The following L3MBTL2 variants were observed in gnomAD, a reference collection of about 807,000 sequenced individuals.
L3MBTL2 encodes the protein lethal(3)malignant brain tumor-like protein 2.
In L3MBTL2, 49 loss-of-function variants were observed where a neutral mutation model predicts 86.4. The observed-to-expected ratio is 0.57, with a 90% CI of 0.45 to 0.72. L3MBTL2 has a LOEUF of 0.72. Ranked by LOEUF, L3MBTL2 falls within the 30% of genes least tolerant of loss-of-function variation. The pLI is 0.00. For synonymous variants in L3MBTL2, 336 were observed against 350.6 expected, an observed-to-expected ratio of 0.96 and a Z score of 0.47; for missense variants, 755 against 923.7, an observed-to-expected ratio of 0.82 and a Z score of 2.37.
Position 41,205,407 on chromosome 22 carries a change from CG to C in L3MBTL2, c.24+22del, listed in dbSNP as rs778894641. The C allele has an allele frequency of 2.5e-6, 4 of 1,614,004 alleles. No homozygotes were observed. The East Asian group carries it at 8.9e-5, about 36-fold the overall frequency. ...TTGAGGTGAGAAGGCGAGGACTTAG[CG>C]TGACTGGGAAAGGGAACTCCGAGAG... On this transcript the variant is annotated intron_variant, in intron 1 of 16. Transcript: ENST00000216237.
rs377610001 is a variant in L3MBTL2 at position 41,230,174 on chromosome 22, G to C, written c.2041G>C (p.Val681Leu). 1 of 1,514,370 alleles carries C rather than the reference G, an allele frequency of 6.6e-7. No individual in the cohort carries two copies. Among genetic ancestry groups the C allele is most frequent in the Admixed American group, 1.8e-5 (1 of 55,816 alleles). 93.8% of individuals were successfully genotyped at this position (1,514,370 alleles called of 1,614,324 possible). A position where few individuals can be genotyped will look rare whatever the true frequency, so the allele number is the denominator to read the frequency against. ...GCGTGTGAAGGAAGAGCATCTAGAC[G>C]TGGCCTCGCCCGACAAGGCTTCAAG... is the stretch of plus-strand genomic sequence containing the variant. ...AVRVKEEHLD[V>L]ASPDKASSPE... is the part of the protein sequence containing the mutation. Residue 681 changes from valine (V) to leucine (L), a missense_variant, in exon 17 of 17, where the codon GTG (valine) becomes CTG (leucine). Coordinates refer to ENST00000216237, the MANE Select transcript of L3MBTL2 (RefSeq NM_031488.5).
intron 3 of L3MBTL2, among the ~76,000 whole-genome samples, chr22:41,215,645 T>G (rs745551372): frequency 2.6e-5 from 4 of 152,070 alleles, no homozygotes; most frequent in Non-Finnish European, 4.4e-5. Context: ...TTCGCCTATG[T>G]GGACCCTCTC....
intron 5 of L3MBTL2, 106 bp downstream of exon 5, chr22:41,217,308 G>A (rs760897963): frequency 9.7e-5 from 76 of 786,278 alleles, no homozygotes; most frequent in Middle Eastern, 6.5e-4. Context: ...ACAGTGGGGA[G>A]GTCTGGGCAG....
chr22:41,226,516 C>T (rs2032193908), intron 12 of L3MBTL2, 146 bp from the exon 13 acceptor site: 1 of 685,242 alleles, frequency 1.5e-6, no homozygotes, highest in Non-Finnish European at 2.6e-6. Context: ...CAGGTACTAC[C>T]CTGAGGGGAT....
Position 41,230,192 on chromosome 22 carries a change from G to C in L3MBTL2, c.2059G>C (p.Ala687Pro), listed in dbSNP as rs1350577152. ...TCTAGACGTGGCCTCGCCCGACAAG[G>C]CTTCAAGTCCAGAGCTGCCTGTCTC... ...EHLDVASPDK[A>P]SSPELPVSVE... Residue 687 changes from alanine to proline, a missense_variant, in exon 17 of 17, where the codon GCT becomes CCT. Around this residue, in one of 3 missense-constraint regions of L3MBTL2, gnomAD observed 634 missense variants for 748.9 expected, o/e 0.85. Coordinates refer to ENST00000216237, the MANE Select transcript of L3MBTL2 (RefSeq NM_031488.5). 1.9e-6 allele frequency: 3 copies of C among 1,611,068 alleles called. No homozygotes were observed. The highest frequency in any genetic ancestry group is 1.7e-4 in the Middle Eastern group (1 of 6,050).
At position 41,230,324 on chromosome 22, in the gene L3MBTL2, C is replaced by A; in HGVS notation, c.*73C>A. 8.9e-7 allele frequency: 1 copy of A among 1,118,608 alleles called. No homozygotes were observed. The highest frequency in any genetic ancestry group is 1.4e-6 in the Non-Finnish European group (1 of 737,628). The allele number at this position is 1,118,608 out of a possible 1,614,324, so 69.3% of individuals were successfully genotyped here. Reference sequence around the variant, plus strand: ...TTCTCTACCACCACCACCATGCCTCCACCTGACTTTGGCTTGGAGACTGAT... The same window carrying A: ...TTCTCTACCACCACCACCATGCCTCAACCTGACTTTGGCTTGGAGACTGAT... On this transcript the variant is annotated 3_prime_UTR_variant, in exon 17 of 17. Transcript: ENST00000216237.
chr22:41,219,255 G>A, intron 5 of L3MBTL2, 164 bp from the exon 6 acceptor site: 1 of 579,054 alleles, frequency 1.7e-6, no homozygotes, highest in Non-Finnish European at 3.2e-6. Flanking sequence ...GCTCTTCAAG[G>A]ACAGGAGACC....
rs768002539 is a variant in L3MBTL2 at position 41,225,768 on chromosome 22, G to T, written c.1357-26G>T. On this transcript the variant is annotated intron_variant, in intron 11 of 16. Transcript: ENST00000216237. This position sits in a 1 kb window ranked among gnomAD's most constrained non-coding sequence, Gnocchi z 4.1. Reference sequence around the variant, plus strand: ...TGGGGTGCAGTTCATGATATGATCTGTCTGCCTGCTCCCCCCACCCCCCAG... The same window carrying T: ...TGGGGTGCAGTTCATGATATGATCTTTCTGCCTGCTCCCCCCACCCCCCAG... The T allele has an allele frequency of 1.3e-6, 2 of 1,598,372 alleles. No individual in the cohort carries two copies. Among genetic ancestry groups the T allele is most frequent in the Non-Finnish European group, 1.7e-6 (2 of 1,168,632 alleles).
intron 7 of L3MBTL2, 66 bp from the exon 8 acceptor site, chr22:41,221,133 G>C: frequency 1.4e-6 from 2 of 1,410,812 alleles, no homozygotes; most frequent in African/African-American, 1.7e-5. Flanking sequence ...CTGGGTCGGC[G>C]CTAGCGCCCC....
Position 41,227,534 on chromosome 22 carries a change from C to A in L3MBTL2, c.1822+211C>A. On this transcript the variant is annotated intron_variant, in intron 14 of 16. Coordinates refer to ENST00000216237, the MANE Select transcript of L3MBTL2 (RefSeq NM_031488.5). The surrounding 1 kb of genome is among the most constrained non-coding windows in gnomAD (Gnocchi z 6.0). ...TGGCCTGCAGAGCTCCTTCCTTCAT[C>A]TTGCCCACTCTGTCATATGTTCGTG... 1 of 1,484,880 alleles carries A rather than the reference C, an allele frequency of 6.7e-7. No homozygotes were observed. The highest frequency in any genetic ancestry group is 9.2e-7 in the Non-Finnish European group (1 of 1,087,906). The allele number at this position is 1,484,880 out of a possible 1,614,324, so 92.0% of individuals were successfully genotyped here.
intron 1 of L3MBTL2, among the ~76,000 whole-genome samples, chr22:41,207,531 C>T (rs957159745): frequency 1.3e-5 from 2 of 152,018 alleles, no homozygotes; most frequent in Non-Finnish European, 2.9e-5. Flanking sequence ...CCCCCAAACC[C>T]TATGAAATAG....
intron 3 of L3MBTL2, among the ~76,000 whole-genome samples, chr22:41,215,104 T>G (rs1013987887): frequency 6.6e-6 from 1 of 152,188 alleles, no homozygotes; most frequent in African/African-American, 2.4e-5. Flanking sequence ...GTGATCCTAA[T>G]GTGCAGCGAA....
chr22:41,221,126 G>C, intron 7 of L3MBTL2, 73 bp from the exon 8 acceptor site: 1 of 1,374,856 alleles, frequency 7.3e-7, no homozygotes, highest in Non-Finnish European at 9.9e-7. Flanking sequence ...CCCCACTCTG[G>C]GTCGGCGCTA....
intron 1 of L3MBTL2, chr22:41,209,486 C>T (rs2030537395): frequency 3.7e-6 from 2 of 543,288 alleles, no homozygotes; most frequent in Admixed American, 6.3e-5. Context: ...TGGTGAATTC[C>T]TAACACATAT....
intron 8 of L3MBTL2, among the ~76,000 whole-genome samples, chr22:41,222,995 G>A (rs778024986): frequency 1.3e-5 from 2 of 152,154 alleles, no homozygotes; most frequent in African/African-American, 4.8e-5. Flanking sequence ...TAGATGAAGA[G>A]AACATGGCAG....
chr22:41,219,332 G>A (rs138088404), intron 5 of L3MBTL2, 87 bp from the exon 6 acceptor site: 13 of 943,540 alleles, frequency 1.4e-5, no homozygotes, highest in Middle Eastern at 5.9e-4. Flanking sequence ...AGGTGCAAAC[G>A]AGGACTTGAC....
chr22:41,217,670 GGGCTT>G (rs2031494859), intron 5 of L3MBTL2: 1 of 162,664 alleles, frequency 6.1e-6, no homozygotes, highest in Non-Finnish European at 1.3e-5. Context: ...CTTAGGGGCG[GGGCTT>G]GAGCGCAAGA....
At chr22:41,215,405 G>C (rs142521616) in intron 3 of L3MBTL2, among the ~76,000 whole-genome samples, 28 of 152,266 alleles carry the variant, frequency 1.8e-4, no homozygotes, top group Non-Finnish European at 3.8e-4. Flanking sequence ...AGAAATTTTA[G>C]TAACTTACTT....
chr22:41,223,209 G>C lies in L3MBTL2; in HGVS notation c.943-811G>C, dbSNP rs566463002. ...TTGGCTGCTTTGTGACCTCTGAGACGCTTTCCTTCCTGGTGTGTTTGGAAA... is the reference window on the plus strand; with the variant it reads ...TTGGCTGCTTTGTGACCTCTGAGACCCTTTCCTTCCTGGTGTGTTTGGAAA... On this transcript the variant is annotated intron_variant, in intron 8 of 16. Transcript: ENST00000216237. Among the ~76,000 whole-genome samples the C allele has an allele frequency of 6.6e-5, 10 of 152,296 alleles. No individual in the cohort carries two copies. The South Asian group carries it at 2.1e-3, about 32-fold the overall frequency.
Sources: allele counts gnomAD v4.1 joint callset (sites outside exome capture counted in the v4.1 genomes callset), GRCh38; gene constraint gnomAD v4.1.1; regional missense constraint gnomAD v4.1.1; non-coding constraint Gnocchi (gnomAD v3.1); transcripts MANE v1.5; gene names NCBI Gene and HGNC (gene_info 2026-07-23, HGNC 2026-07-21).